The following ACOT7 variants were observed in gnomAD, a reference collection of about 807,000 sequenced individuals.
The protein encoded by ACOT7 is acyl-CoA thioesterase 7, also known as cytosolic acyl coenzyme A thioester hydrolase.
A neutral mutation model predicts 40.2 loss-of-function variants in ACOT7; 12 were observed. The ratio of observed to expected loss-of-function variants is 0.30; its 90% confidence interval spans 0.19 to 0.48. The LOEUF (loss-of-function observed/expected upper bound fraction) is 0.48. ACOT7 is among the 20% of genes least tolerant of loss of function. ACOT7 has a pLI of 0.99. For synonymous variants in ACOT7, 228 were observed against 219.5 expected (o/e 1.04, Z -0.34); for missense variants, 395 against 530.8 (o/e 0.74, Z 2.51).
chr1:6,389,520 C>A (rs1241556940), intron 1 of ACOT7, among the ~76,000 whole-genome samples: 1 of 152,060 alleles, frequency 6.6e-6, no homozygotes, highest in Non-Finnish European at 1.5e-5. Context: ...TAGCCACCAG[C>A]CACAGGTGGC....
chr1:6,363,775 G>T (rs1249975222), intron 1 of ACOT7, among the ~76,000 whole-genome samples: 3 of 152,072 alleles, frequency 2.0e-5, no homozygotes, highest in Non-Finnish European at 4.4e-5. Flanking sequence ...GGCATTCGGG[G>T]ACACTACCGG....
chr1:6,315,753 T>TAA (rs61115908), intron 6 of ACOT7, among the ~76,000 whole-genome samples: 26 of 83,590 alleles, frequency 3.1e-4, no homozygotes, highest in South Asian at 4.1e-4. Context: ...AGACTCTGTC[T>TAA]AAAAAAAAAA....
At chr1:6,327,260 T>G in intron 5 of ACOT7, 39 bp downstream of exon 5, 9 of 1,599,836 alleles carry the variant, frequency 5.6e-6, no homozygotes, top group South Asian at 1.1e-5. Context: ...GCGTCCCCGG[T>G]GAGGAGTGGC....
rs555533641 is a variant in ACOT7, at chr1:6,370,265, A to G, written c.144-20399T>C. Among the ~76,000 whole-genome samples, 7 of 152,194 alleles carry G rather than the reference A, an allele frequency of 4.6e-5. No individual in the cohort carries two copies. The South Asian group carries it at 1.5e-3, about 32-fold the overall frequency. On this transcript the variant is annotated intron_variant, in intron 1 of 8. Transcript: ENST00000361521. ...CTCGCCAGAAGAAGATGCTGGTGCC[A>G]TGCTTCCTGTACAGCTTGCAGAACC...
chr1:6,345,699 G>A (rs549721999), intron 2 of ACOT7, among the ~76,000 whole-genome samples: 1 of 152,334 alleles, frequency 6.6e-6, no homozygotes, highest in Non-Finnish European at 1.5e-5. Flanking sequence ...GCCGTCTTCT[G>A]GCTGACGGCA....
intron 5 of ACOT7, among the ~76,000 whole-genome samples, chr1:6,323,323 G>A (rs1490966698): frequency 6.6e-6 from 1 of 152,120 alleles, no homozygotes; most frequent in Non-Finnish European, 1.5e-5. Flanking sequence ...CCAGTGGGCT[G>A]GCGTGTTCAA....
intron 1 of ACOT7, among the ~76,000 whole-genome samples, chr1:6,367,174 G>A (rs1283226625): frequency 6.6e-6 from 1 of 151,042 alleles, no homozygotes; most frequent in Non-Finnish European, 1.5e-5. Context: ...ACTCCAGCCT[G>A]GGCGACAGAG....
At chr1:6,321,385 C>T (rs1229435855) in intron 5 of ACOT7, among the ~76,000 whole-genome samples, 2 of 152,196 alleles carry the variant, frequency 1.3e-5, no homozygotes, top group African/African-American at 2.4e-5. Context: ...ACGTTCTTTC[C>T]AAGTGTCACG....
At position 6,282,880 on chromosome 1, in the gene ACOT7, G is replaced by T; in HGVS notation, c.830-1594C>A. 1 of 984,758 alleles carries T rather than the reference G, an allele frequency of 1.0e-6. No homozygotes were observed. Among genetic ancestry groups the T allele is most frequent in the Non-Finnish European group, 1.4e-6 (1 of 697,626 alleles). 61.0% of individuals were successfully genotyped at this position (984,758 alleles called of 1,614,324 possible). A position where few individuals can be genotyped will look rare whatever the true frequency, so the allele number is the denominator to read the frequency against. Reference sequence around the variant, plus strand: ...AGGGCAGGCCATGGGTCAGGCCCCAGCTAAGGAGCTAGAAGTTTCAACAGG... The same window carrying T: ...AGGGCAGGCCATGGGTCAGGCCCCATCTAAGGAGCTAGAAGTTTCAACAGG... On this transcript the variant is annotated intron_variant, in intron 7 of 8. Coordinates refer to ENST00000361521, the MANE Select transcript of ACOT7 (RefSeq NM_007274.4). The surrounding 1 kb of genome is among the most constrained non-coding windows in gnomAD (Gnocchi z 4.5).
intron 1 of ACOT7, among the ~76,000 whole-genome samples, chr1:6,364,707 G>A (rs1224852083): frequency 6.6e-6 from 1 of 150,948 alleles, no homozygotes; most frequent in Non-Finnish European, 1.5e-5. Context: ...AATTAGTTGG[G>A]CGTGGTTGCG....
intron 6 of ACOT7, among the ~76,000 whole-genome samples, chr1:6,315,121 A>G (rs1640449490): frequency 6.6e-6 from 1 of 152,166 alleles, no homozygotes; most frequent in African/African-American, 2.4e-5. Context: ...TCCCTTTCCA[A>G]GACACCCTTC....
At chr1:6,316,032 G>T (rs1640483357) in intron 6 of ACOT7, among the ~76,000 whole-genome samples, 2 of 152,120 alleles carry the variant, frequency 1.3e-5, no homozygotes, top group Admixed American at 1.3e-4. Context: ...AGAAAGACTG[G>T]GCTTAAGGGT....
chr1:6,310,207 G>A (rs998610016), intron 6 of ACOT7, among the ~76,000 whole-genome samples: 1 of 152,214 alleles, frequency 6.6e-6, no homozygotes, highest in African/African-American at 2.4e-5. Context: ...AGCTGAGGCC[G>A]TGGGGTCAGG....
chr1:6,331,405 C>T (rs7521369), intron 4 of ACOT7, among the ~76,000 whole-genome samples: 27,972 of 152,238 alleles, frequency 0.18, 5,281 homozygotes, highest in African/African-American at 0.48. Context: ...AGCCAAGGGA[C>T]GCCTGGAGCC....
At chr1:6,391,461 G>C (rs577864838) in intron 1 of ACOT7, among the ~76,000 whole-genome samples, 2 of 152,264 alleles carry the variant, frequency 1.3e-5, no homozygotes, top group Admixed American at 6.5e-5. Context: ...AGCTGAGATC[G>C]GGCCACTGCA....
intron 1 of ACOT7, among the ~76,000 whole-genome samples, chr1:6,377,942 C>T (rs1340356907): frequency 1.3e-5 from 2 of 152,010 alleles, no homozygotes; most frequent in Non-Finnish European, 2.9e-5. Context: ...TGGTGGCAGG[C>T]GCCTGTAGTC....
At position 6,264,686 on chromosome 1, in the gene ACOT7, C is replaced by T. The variant is rs1015285625; in HGVS notation, c.1024G>A (p.Glu342Lys). 5.0e-6 allele frequency: 8 copies of T among 1,613,156 alleles called. No homozygotes were observed. The highest frequency in any genetic ancestry group is 2.7e-5 in the African/African-American group (2 of 74,946). The change falls in exon 9 of 9, where the codon GAG becomes AAG. Residue 342 changes from glutamate (E) to lysine (K), a missense_variant. By Grantham distance (56) the Glu-to-Lys change is moderately conservative (BLOSUM62 1). Transcript: ENST00000361521. Reference protein sequence around the residue: ...LPVPQLVPETEDEKKRFEEGK... With the variant: ...LPVPQLVPETKDEKKRFEEGK... ...TCCTCAAAGCGCTTCTTCTCGTCCT[C>T]GGTCTCGGGCTGTGGACCACACACA...
chr1:6,387,934 G>GTTTTTTTTTTTTTTTTTTT (rs557741543), intron 1 of ACOT7, among the ~76,000 whole-genome samples: 1 of 139,156 alleles, frequency 7.2e-6, no homozygotes, highest in African/African-American at 2.6e-5. Flanking sequence ...CAGGTTCTTT[G>GTTTTTTTTTTTTTTTTTTT]TTTTTTTTTT....
In ACOT7 at chr1:6,282,599, AC is replaced by A; in HGVS notation, c.830-1314del. On this transcript the variant is annotated intron_variant, in intron 7 of 8. Coordinates refer to ENST00000361521, the MANE Select transcript of ACOT7 (RefSeq NM_007274.4). The surrounding 1 kb of genome is among the most constrained non-coding windows in gnomAD (Gnocchi z 4.5). ...CCAGCCTCACAAGGCAGGTTTAGAG[AC>A]CCAGAGTGAGAAAGCGGCCAGGTGG... is the stretch of plus-strand genomic sequence containing the variant. The A allele has an allele frequency of 3.0e-6, 2 of 666,544 alleles. No individual in the cohort carries two copies. Among genetic ancestry groups the A allele is most frequent in the Non-Finnish European group, 4.7e-6 (2 of 424,694 alleles). 41.3% of individuals were successfully genotyped at this position (666,544 alleles called of 1,614,324 possible). A position where few individuals can be genotyped will look rare whatever the true frequency, so the allele number is the denominator to read the frequency against.
Sources: allele counts gnomAD v4.1 joint callset (sites outside exome capture counted in the v4.1 genomes callset), GRCh38; gene constraint gnomAD v4.1.1; non-coding constraint Gnocchi (gnomAD v3.1); transcripts MANE v1.5; gene names NCBI Gene and HGNC (gene_info 2026-07-23, HGNC 2026-07-21).